The following NCK2 variants were observed in gnomAD, a reference collection of about 807,000 sequenced individuals.
The protein encoded by NCK2 is cytoplasmic protein NCK2.
A neutral mutation model predicts 33.9 loss-of-function variants in NCK2; 16 were observed. That is an observed-to-expected ratio of 0.47 (90% CI 0.32 to 0.72). NCK2 has a LOEUF of 0.72. Ranked by LOEUF, NCK2 falls within the 30% of genes least tolerant of loss-of-function variation. The pLI, the probability that NCK2 is intolerant of heterozygous loss-of-function variation, is 0.03. For synonymous variants in NCK2, 273 were observed against 239.9 expected (o/e 1.14, Z -1.27); for missense variants, 418 against 537.3 (o/e 0.78, Z 2.19).
chr2:105,823,246 A>G (rs1573158670), intron 2 of NCK2, among the ~76,000 whole-genome samples: 1 of 151,670 alleles, frequency 6.6e-6, no homozygotes. Context: ...AAGCCCCAGT[A>G]GGAGAATACT....
At position 105,869,620 on chromosome 2, in the gene NCK2, T is replaced by A. The variant is rs558824730; in HGVS notation, c.227-11708T>A. 4.3e-4 allele frequency among the ~76,000 whole-genome samples: 65 copies of A among 152,314 alleles called. 1 individual carries two copies. Among genetic ancestry groups the A allele is most frequent in the African/African-American group, 1.5e-3 (64 of 41,576 alleles). On this transcript the variant is annotated intron_variant, in intron 3 of 4. Transcript: ENST00000233154. ...TTTGTGTATTCGTCACATTTCACTT[T>A]CCTGAGCAGGTGTGGTCCTGCAGAA...
intron 2 of NCK2, among the ~76,000 whole-genome samples, chr2:105,846,085 G>A (rs747868740): frequency 7.9e-5 from 12 of 152,060 alleles, no homozygotes; most frequent in Non-Finnish European, 1.8e-4. Flanking sequence ...CTGGCACCAG[G>A]GAATCACTTG....
intron 2 of NCK2, among the ~76,000 whole-genome samples, chr2:105,817,945 A>C (rs1297427347): frequency 3.3e-5 from 5 of 152,090 alleles, no homozygotes; most frequent in South Asian, 4.1e-4. Flanking sequence ...ACCCAAAGGA[A>C]TATAAATCAT....
intron 3 of NCK2, chr2:105,857,091 T>G (rs1255461954): frequency 6.6e-6 from 1 of 151,504 alleles, no homozygotes; most frequent in African/African-American, 2.4e-5. Flanking sequence ...GCTTAGAGAC[T>G]TGTAGGAAGT....
chr2:105,765,335 T>C (rs1300422256), intron 1 of NCK2, among the ~76,000 whole-genome samples: 2 of 152,228 alleles, frequency 1.3e-5, no homozygotes, highest in African/African-American at 4.8e-5. Flanking sequence ...CATGTCCTTT[T>C]AAAACAGGCT....
chr2:105,771,221 C>A (rs1451989523), intron 1 of NCK2, among the ~76,000 whole-genome samples: 1 of 151,886 alleles, frequency 6.6e-6, no homozygotes, highest in East Asian at 2.0e-4. Context: ...CGCGCCCCGC[C>A]CAATATCACT....
intron 2 of NCK2, among the ~76,000 whole-genome samples, chr2:105,847,953 C>T (rs1676916552): frequency 6.6e-6 from 1 of 152,084 alleles, no homozygotes; most frequent in Admixed American, 6.5e-5. Flanking sequence ...CGTAAAACCT[C>T]ACAGAACTAT....
At position 105,862,259 on chromosome 2, in the gene NCK2, G is replaced by A. The variant is rs140767608; in HGVS notation, c.226+6970G>A. On this transcript the variant is annotated intron_variant, in intron 3 of 4. Coordinates refer to ENST00000233154, the MANE Select transcript of NCK2 (RefSeq NM_003581.5). ...TGGGAAGGGGGTCGGTCTTGAGCCT[G>A]TGCTTCATACTAAGCATGCTGATTT... is the stretch of plus-strand genomic sequence containing the variant. 1.4e-4 allele frequency among the ~76,000 whole-genome samples: 22 copies of A among 152,278 alleles called. No homozygotes were observed. The East Asian group carries it at 4.2e-3, about 29-fold the overall frequency.
At chr2:105,789,768 G>C (rs4316956) in intron 1 of NCK2, among the ~76,000 whole-genome samples, 48,827 of 152,086 alleles carry the variant, frequency 0.32, 9,237 homozygotes, top group Non-Finnish European at 0.42. Context: ...TTCTGACACA[G>C]ACTGCTGCCC....
At chr2:105,783,156 T>C (rs1297701127) in intron 1 of NCK2, among the ~76,000 whole-genome samples, 1 of 152,256 alleles carries the variant, frequency 6.6e-6, no homozygotes, top group African/African-American at 2.4e-5. Context: ...ACTGCTTTGC[T>C]TTCTGCCGCA....
intron 2 of NCK2, among the ~76,000 whole-genome samples, chr2:105,825,882 C>T (rs1371960378): frequency 1.3e-5 from 2 of 152,182 alleles, no homozygotes; most frequent in Non-Finnish European, 2.9e-5. Flanking sequence ...CTTATGCAGT[C>T]ATAGTGTCCT....
chr2:105,891,869 AAAT>A (rs1365466935), intron 4 of NCK2, among the ~76,000 whole-genome samples: 1 of 152,176 alleles, frequency 6.6e-6, no homozygotes, highest in Admixed American at 6.5e-5. Context: ...ATTTTAATTA[AAAT>A]AATGACATGT....
chr2:105,747,363 A>T (rs976014416), intron 1 of NCK2, among the ~76,000 whole-genome samples: 9 of 151,890 alleles, frequency 5.9e-5, no homozygotes, highest in African/African-American at 2.2e-4. Context: ...ATACCCTAAG[A>T]CTCCCGGAAT....
chr2:105,750,249 G>A (rs559328026), intron 1 of NCK2, among the ~76,000 whole-genome samples: 3 of 152,254 alleles, frequency 2.0e-5, no homozygotes, highest in Admixed American at 6.5e-5. Context: ...CTGAGAGAGA[G>A]GTCTGGTGTT....
In NCK2 at chr2:105,893,161, C is replaced by T. The variant is rs911442065; in HGVS notation, c.1128C>T (p.Val376=). The change falls in exon 5 of 5, where the codon GTC becomes GTT. Residue 376 remains valine, a synonymous_variant. Transcript: ENST00000233154. ...AGCACGGGGAGAAGCTCTACCTCGT[C>T]AGGGCCCTGCAGTGACGGCGCCCCG... ...TSEHGEKLYL[V]RALQ is the part of the protein sequence containing the mutation. 5 of 1,600,706 alleles carry T rather than the reference C, an allele frequency of 3.1e-6. No individual in the cohort carries two copies. The highest frequency in any genetic ancestry group is 2.6e-6 in the Non-Finnish European group (3 of 1,173,222).
At chr2:105,882,555 C>G (rs867869569) in intron 4 of NCK2, among the ~76,000 whole-genome samples, 1 of 152,134 alleles carries the variant, frequency 6.6e-6, no homozygotes, top group Non-Finnish European at 1.5e-5. Flanking sequence ...GTTCATCTCT[C>G]AAAAGCTTTT....
Position 105,894,074 on chromosome 2 carries a change from T to C in NCK2, c.*898T>C, listed in dbSNP as rs1309752304. ...ATTTTTCAGGGTTTACAAAAGAGTA[T>C]GTGATTGGTAGTAAGAGACACACAG... On this transcript the variant is annotated 3_prime_UTR_variant, in exon 5 of 5. Transcript: ENST00000233154. The C allele has an allele frequency of 6.6e-6, 1 of 152,572 alleles. No homozygotes were observed. Among genetic ancestry groups the C allele is most frequent in the Non-Finnish European group, 1.5e-5 (1 of 68,028 alleles). 9.5% of individuals were successfully genotyped at this position (152,572 alleles called of 1,614,324 possible). A position where few individuals can be genotyped will look rare whatever the true frequency, so the allele number is the denominator to read the frequency against.
chr2:105,847,823 T>C (rs985548930), intron 2 of NCK2, among the ~76,000 whole-genome samples: 5 of 152,230 alleles, frequency 3.3e-5, no homozygotes, highest in African/African-American at 1.2e-4. Flanking sequence ...TTCTGTTAGA[T>C]GCTGTGGTTG....
chr2:105,850,491 G>A (rs1479279700), intron 2 of NCK2, among the ~76,000 whole-genome samples: 1 of 152,136 alleles, frequency 6.6e-6, no homozygotes, highest in Non-Finnish European at 1.5e-5. Flanking sequence ...ATAACTTGGG[G>A]GTCTTGCTAA....
Sources: gnomAD v4.1 joint callset for allele counts (sites outside exome capture counted in the v4.1 genomes callset) on GRCh38, gnomAD v4.1.1 for gene constraint, MANE v1.5 for transcripts, NCBI Gene and HGNC (gene_info 2026-07-23, HGNC 2026-07-21) for gene names.